Variants in ATP10B observed in about 807,000 individuals in gnomAD.
ATP10B encodes phospholipid-transporting ATPase VB.
A neutral mutation model predicts 141.2 loss-of-function variants in ATP10B; 122 were observed. The observed-to-expected ratio is 0.86, with a 90% CI of 0.75 to 1.00. The LOEUF (loss-of-function observed/expected upper bound fraction) is 1.00. Among genes scored for constraint, ATP10B ranks in the 50% least tolerant of loss-of-function variants. ATP10B has a pLI of 0.00. For missense variants in ATP10B, 1,876 were observed against 1,825.3 expected, an observed-to-expected ratio of 1.03 and a Z score of -0.51; for synonymous variants, 685 against 692.0, an observed-to-expected ratio of 0.99 and a Z score of 0.16.
chr5:160,909,323 C>T, the ATP10B span, among the ~76,000 whole-genome samples: 2 of 152,136 alleles, frequency 1.3e-5, no homozygotes, highest in African/African-American at 2.4e-5. Context: ...GGTTCCCAAA[C>T]AGGACATGCA....
At chr5:160,888,488 G>A in the ATP10B span, among the ~76,000 whole-genome samples, 1 of 152,136 alleles carries the variant, frequency 6.6e-6, no homozygotes, top group African/African-American at 2.4e-5. Flanking sequence ...AGCTATTCTA[G>A]AAGCCACCCA....
In ATP10B at chr5:160,622,655, C is replaced by T. The variant is rs929377332; in HGVS notation, c.1621-70G>A. 19 of 1,397,098 alleles carry T rather than the reference C, an allele frequency of 1.4e-5. No individual in the cohort carries two copies. The African/African-American group carries it at 2.2e-4, about 16-fold the overall frequency. The allele number at this position is 1,397,098 out of a possible 1,614,324, so 86.5% of individuals were successfully genotyped here. Reference sequence around the variant, plus strand: ...CCCACTCCAGAAGAATCTTCACATGCCTGGGGAAAGGATGATGCAGCTTCA... The same window carrying T: ...CCCACTCCAGAAGAATCTTCACATGTCTGGGGAAAGGATGATGCAGCTTCA... On this transcript the variant is annotated intron_variant, in intron 13 of 25. Transcript: ENST00000327245.
At chr5:160,571,154 T>G (rs1218167606) in intron 24 of ATP10B, among the ~76,000 whole-genome samples, 1 of 152,134 alleles carries the variant, frequency 6.6e-6, no homozygotes. Flanking sequence ...TTGCCTATAT[T>G]TCATTCCCTC....
chr5:160,866,715 T>A, the ATP10B span, among the ~76,000 whole-genome samples: 1 of 151,878 alleles, frequency 6.6e-6, no homozygotes, highest in African/African-American at 2.4e-5. Flanking sequence ...ATAAATGATA[T>A]AATAGACTTT....
chr5:160,658,637 G>A (rs773666271), intron 7 of ATP10B, among the ~76,000 whole-genome samples: 13 of 152,148 alleles, frequency 8.5e-5, no homozygotes, highest in Non-Finnish European at 1.9e-4. Context: ...CAGGCAGTAC[G>A]TTTCCCCAGG....
chr5:160,769,321 G>A (rs1442715735), intron 2 of ATP10B, among the ~76,000 whole-genome samples: 1 of 152,186 alleles, frequency 6.6e-6, no homozygotes, highest in Non-Finnish European at 1.5e-5. Context: ...AGAGTGAAGT[G>A]CGTGTTACAT....
At chr5:160,895,158 A>G in the ATP10B span, among the ~76,000 whole-genome samples, 3 of 152,250 alleles carry the variant, frequency 2.0e-5, no homozygotes, top group African/African-American at 7.2e-5. Flanking sequence ...CATGGATAAA[A>G]TAAGCAGCTA....
At chr5:160,869,743 C>G in the ATP10B span, among the ~76,000 whole-genome samples, 1 of 152,100 alleles carries the variant, frequency 6.6e-6, no homozygotes, top group African/African-American at 2.4e-5. Flanking sequence ...GAAGAAATCA[C>G]AGTGGGAACC....
At chr5:160,866,095 G>T in the ATP10B span, among the ~76,000 whole-genome samples, 1 of 151,168 alleles carries the variant, frequency 6.6e-6, no homozygotes, top group Non-Finnish European at 1.5e-5. Flanking sequence ...GTCATTATAT[G>T]AAAATGACAT....
chr5:160,888,051 A>C, the ATP10B span, among the ~76,000 whole-genome samples: 3 of 152,242 alleles, frequency 2.0e-5, no homozygotes, highest in Non-Finnish European at 4.4e-5. Flanking sequence ...CATAAAAGGC[A>C]TATGGACAAA....
intron 1 of ATP10B, among the ~76,000 whole-genome samples, chr5:160,818,931 T>C (rs1033997989): frequency 2.0e-5 from 3 of 152,172 alleles, no homozygotes; most frequent in South Asian, 2.1e-4. Context: ...TTCTCACTCA[T>C]AGGTGGGAAT....
the ATP10B span, among the ~76,000 whole-genome samples, chr5:160,929,191 C>T: frequency 6.6e-6 from 1 of 152,140 alleles, no homozygotes; most frequent in African/African-American, 2.4e-5. Context: ...AAAAATCACC[C>T]CCAAGCCTTA....
Position 160,622,555 on chromosome 5 carries a change from G to A in ATP10B, c.1651C>T (p.Leu551=). The change falls in exon 14 of 26, where the codon CTG becomes TTG. Residue 551 remains leucine (L), a synonymous_variant. Coordinates refer to ENST00000327245, the MANE Select transcript of ATP10B (RefSeq NM_025153.3). ...EKDVTPDKNL[L]TKVRDAALWL... The stretch of plus-strand genomic sequence containing the variant: ...AGGGCAGCATCTCGAACCTTGGTCA[G>A]TAGGTTTTTATCTGGAGTTACATCT... 1 of 1,613,248 alleles carries A rather than the reference G, an allele frequency of 6.2e-7. No homozygotes were observed. Among genetic ancestry groups the A allele is most frequent in the Non-Finnish European group, 8.5e-7 (1 of 1,179,684 alleles).
At chr5:160,688,330 G>A (rs1763887142) in intron 4 of ATP10B, among the ~76,000 whole-genome samples, 1 of 152,172 alleles carries the variant, frequency 6.6e-6, no homozygotes, top group Non-Finnish European at 1.5e-5. Flanking sequence ...AGTATCTGAG[G>A]TTAGAATCCC....
the ATP10B span, among the ~76,000 whole-genome samples, chr5:160,875,431 T>G: frequency 5.7e-3 from 643 of 113,272 alleles, 9 homozygotes; most frequent in African/African-American, 0.016. Context: ...TGCAAAATCA[T>G]GCCAAAATGT....
chr5:160,804,502 C>T (rs1304464013), intron 1 of ATP10B, among the ~76,000 whole-genome samples: 1 of 152,126 alleles, frequency 6.6e-6, no homozygotes, highest in East Asian at 1.9e-4. Flanking sequence ...TGACATTTTC[C>T]AGAGGGGGAA....
At chr5:160,786,959 G>A (rs569711438) in intron 1 of ATP10B, among the ~76,000 whole-genome samples, 3 of 152,058 alleles carry the variant, frequency 2.0e-5, no homozygotes, top group African/African-American at 7.2e-5. Context: ...ACAGCTCTCT[G>A]GTGGCCTGTG....
intron 2 of ATP10B, among the ~76,000 whole-genome samples, chr5:160,723,428 C>G (rs544473464): frequency 2.8e-4 from 42 of 152,260 alleles, no homozygotes; most frequent in African/African-American, 9.6e-4. Flanking sequence ...CTATTATGCA[C>G]CAGACACAAT....
At chr5:160,584,173 C>T (rs1442722002) in intron 24 of ATP10B, among the ~76,000 whole-genome samples, 1 of 152,174 alleles carries the variant, frequency 6.6e-6, no homozygotes, top group Admixed American at 6.5e-5. Context: ...GGTGTAGGCA[C>T]CCGAGAGAAT....
Sources: gnomAD v4.1 joint callset for allele counts (sites outside exome capture counted in the v4.1 genomes callset) on GRCh38, gnomAD v4.1.1 for gene constraint, MANE v1.5 for transcripts, NCBI Gene and HGNC (gene_info 2026-07-23, HGNC 2026-07-21) for gene names.